The following ASIC2 variants were observed in gnomAD, a reference collection of about 807,000 sequenced individuals.
ASIC2 encodes the protein acid-sensing ion channel 2.
Under a neutral mutation model 57.3 loss-of-function variants are expected in ASIC2, and 25 were observed. The observed-to-expected ratio is 0.44, with a 90% CI of 0.32 to 0.61. The LOEUF is 0.61. Among genes scored for constraint, ASIC2 ranks in the 20% least tolerant of loss-of-function variants. ASIC2 has a pLI of 0.06. For missense variants in ASIC2, 641 were observed against 738.1 expected (o/e 0.87, Z 1.52); for synonymous variants, 319 against 307.5 (o/e 1.04, Z -0.39).
At chr17:33,643,150 C>CA (rs1555549420) in intron 1 of ASIC2, among the ~76,000 whole-genome samples, 3 of 149,138 alleles carry the variant, frequency 2.0e-5, no homozygotes, top group Non-Finnish European at 4.5e-5. Context: ...GCTCATTTCC[C>CA]CCCCCCCACA....
chr17:33,321,927 A>G (rs1394909431), intron 1 of ASIC2, among the ~76,000 whole-genome samples: 1 of 152,180 alleles, frequency 6.6e-6, no homozygotes, highest in Non-Finnish European at 1.5e-5. Flanking sequence ...TAGAAGTTAA[A>G]CTGTAGTGGG....
At chr17:33,377,285 A>G (rs1282719601) in intron 1 of ASIC2, among the ~76,000 whole-genome samples, 2 of 152,156 alleles carry the variant, frequency 1.3e-5, no homozygotes, top group African/African-American at 4.8e-5. Context: ...TCCTGACCTC[A>G]AGGGATCCAC....
chr17:33,636,210 G>A (rs138305210), intron 1 of ASIC2, among the ~76,000 whole-genome samples: 1 of 152,280 alleles, frequency 6.6e-6, no homozygotes, highest in South Asian at 2.1e-4. Flanking sequence ...TACAGGGAAA[G>A]GTGTCAAAAT....
intron 1 of ASIC2, among the ~76,000 whole-genome samples, chr17:33,549,639 A>C (rs1915685724): frequency 6.6e-6 from 1 of 152,166 alleles, no homozygotes; most frequent in South Asian, 2.1e-4. Flanking sequence ...TTGTTTTTCA[A>C]ATGAAGAGTT....
At chr17:33,028,431 C>A in intron 3 of ASIC2, 39 bp from the exon 4 acceptor site, 1 of 1,611,458 alleles carries the variant, frequency 6.2e-7, no homozygotes, top group Non-Finnish European at 8.5e-7. Context: ...TCAGCCTCAA[C>A]AGACTCAGTA....
chr17:33,043,379 G>A (rs1016518423), intron 3 of ASIC2, among the ~76,000 whole-genome samples: 4 of 152,204 alleles, frequency 2.6e-5, no homozygotes, highest in Non-Finnish European at 2.9e-5. Context: ...ACCAGCTCTC[G>A]TCTCTAGGAG....
intron 1 of ASIC2, among the ~76,000 whole-genome samples, chr17:33,812,979 A>AT (rs948806723): frequency 1.3e-5 from 2 of 152,046 alleles, no homozygotes; most frequent in Admixed American, 6.5e-5. Flanking sequence ...TTCCCTGTCC[A>AT]TTTTTTGGCT....
chr17:33,688,947 T>C (rs1001698070), intron 1 of ASIC2: 2 of 152,244 alleles, frequency 1.3e-5, no homozygotes, highest in Non-Finnish European at 2.9e-5. Context: ...GCACCTGATG[T>C]GCACAGCTGC....
At chr17:33,836,720 G>A (rs567744760) in intron 1 of ASIC2, among the ~76,000 whole-genome samples, 23 of 152,154 alleles carry the variant, frequency 1.5e-4, no homozygotes, top group African/African-American at 5.1e-4. Flanking sequence ...AGGTGTGGTG[G>A]CATGCGCCTG....
At chr17:34,082,775 T>A (rs537738173) in intron 1 of ASIC2, among the ~76,000 whole-genome samples, 1 of 152,380 alleles carries the variant, frequency 6.6e-6, no homozygotes, top group Non-Finnish European at 1.5e-5. Context: ...ACTTTTAAGT[T>A]GAGGCTTAGA....
chr17:33,224,597 CAG>C (rs1452747309), intron 1 of ASIC2, among the ~76,000 whole-genome samples: 2 of 152,120 alleles, frequency 1.3e-5, no homozygotes. Context: ...CATGTGGAAA[CAG>C]GGAGGAGGGG....
At chr17:33,386,694 A>G (rs1349370259) in intron 1 of ASIC2, among the ~76,000 whole-genome samples, 1 of 152,160 alleles carries the variant, frequency 6.6e-6, no homozygotes, top group Non-Finnish European at 1.5e-5. Context: ...TTTTTAACCT[A>G]AGAGCAATCC....
intron 1 of ASIC2, among the ~76,000 whole-genome samples, chr17:33,668,465 T>G (rs751397941): frequency 3.8e-4 from 58 of 152,152 alleles, no homozygotes; most frequent in Non-Finnish European, 6.6e-4. Flanking sequence ...AAGTCAGCAG[T>G]AAGGGGCAAA....
At chr17:33,969,371 C>T (rs1905160675) in intron 1 of ASIC2, among the ~76,000 whole-genome samples, 1 of 152,068 alleles carries the variant, frequency 6.6e-6, no homozygotes, top group South Asian at 2.1e-4. Flanking sequence ...AATGAGTAAA[C>T]ACATAACCTA....
intron 1 of ASIC2, among the ~76,000 whole-genome samples, chr17:34,094,313 G>T (rs1305641205): frequency 6.6e-6 from 1 of 152,156 alleles, no homozygotes; most frequent in Non-Finnish European, 1.5e-5. Flanking sequence ...ACTACTATGT[G>T]TCCACTACAG....
intron 1 of ASIC2, among the ~76,000 whole-genome samples, chr17:33,490,738 G>A (rs577704131): frequency 2.0e-5 from 3 of 152,254 alleles, no homozygotes; most frequent in South Asian, 4.1e-4. Flanking sequence ...CCAGTCTTGG[G>A]TATGTCTTTA....
intron 1 of ASIC2, among the ~76,000 whole-genome samples, chr17:33,819,435 C>T (rs867820806): frequency 6.6e-6 from 1 of 152,268 alleles, no homozygotes; most frequent in Middle Eastern, 3.4e-3. Context: ...GAAACTGTGA[C>T]AAAGGAAGGG....
chr17:33,904,850 G>A lies in ASIC2; in HGVS notation c.555+251128C>T, dbSNP rs192131512. Among the ~76,000 whole-genome samples, 9 of 152,324 alleles carry A rather than the reference G, an allele frequency of 5.9e-5. No homozygotes were observed. The East Asian group carries it at 1.5e-3, about 26-fold the overall frequency. ...TTCTATCTTCTCCGGGTCTCAGTAT[G>A]TTGTCAGAACCACACTCTTCTTGCG... On this transcript the variant is annotated intron_variant, in intron 1 of 9. Transcript: ENST00000359872.
intron 1 of ASIC2, among the ~76,000 whole-genome samples, chr17:33,353,400 A>T (rs1034028027): frequency 6.6e-6 from 1 of 152,136 alleles, no homozygotes; most frequent in Non-Finnish European, 1.5e-5. Context: ...GCAGTGGTGC[A>T]ATCACTGCTC....
Sources: gnomAD v4.1 joint callset for allele counts (sites outside exome capture counted in the v4.1 genomes callset) on GRCh38, gnomAD v4.1.1 for gene constraint, MANE v1.5 for transcripts, NCBI Gene and HGNC (gene_info 2026-07-23, HGNC 2026-07-21) for gene names.